CCDC69: variants seen among roughly 807,000 people sequenced by gnomAD.
CCDC69 encodes coiled-coil domain containing 69.
A neutral mutation model predicts 40.3 loss-of-function variants in CCDC69; 38 were observed. The ratio of observed to expected loss-of-function variants is 0.94; its 90% CI spans 0.73 to 1.24. The LOEUF (loss-of-function observed/expected upper bound fraction) is 1.24, where lower values mean the gene tolerates loss of function less well. CCDC69 is among the 50% of genes most tolerant of loss of function. CCDC69 has a pLI of 0.00. For missense variants in CCDC69, 389 were observed against 357.9 expected (o/e 1.09, Z -0.70); for synonymous variants, 141 against 138.9 (o/e 1.02, Z -0.11).
At chr5:151,223,056 G>C (rs949407795) in intron 1 of CCDC69, among the ~76,000 whole-genome samples, 14 of 152,234 alleles carry the variant, frequency 9.2e-5, no homozygotes, top group African/African-American at 3.4e-4. Flanking sequence ...GGGGCAGGTA[G>C]TGGTAAGAAA....
intron 1 of CCDC69, among the ~76,000 whole-genome samples, chr5:151,216,986 C>T (rs1753053594): frequency 6.6e-6 from 1 of 152,088 alleles, no homozygotes; most frequent in African/African-American, 2.4e-5. Context: ...TACAAACATA[C>T]AGCCAGATGG....
chr5:151,198,290 TGATCTATC>T lies in CCDC69; in HGVS notation c.319+699_319+706del, dbSNP rs1419467968. Among the ~76,000 whole-genome samples, 402 of 132,508 alleles carry T rather than the reference TGATCTATC, an allele frequency of 3.0e-3. 2 individuals carry two copies. Among genetic ancestry groups the T allele is most frequent in the South Asian group, 4.9e-3 (20 of 4,114 alleles). The allele number at this position is 132,508 out of a possible 152,430, so 86.9% of individuals were successfully genotyped here. On this transcript the variant is annotated intron_variant, in intron 4 of 8. Transcript: ENST00000355417. ...GGACTGGAGCTCTAGAGAATGAGATTGATCTATCTATCTATCTATCTATCTATCTATCT... is the reference window on the plus strand; with the variant it reads ...GGACTGGAGCTCTAGAGAATGAGATTTATCTATCTATCTATCTATCTATCT...
At chr5:151,190,731 C>A (rs1444184466) in intron 4 of CCDC69, among the ~76,000 whole-genome samples, 1 of 137,170 alleles carries the variant, frequency 7.3e-6, no homozygotes, top group African/African-American at 2.7e-5. Flanking sequence ...CTTAGAGTAA[C>A]CATTAAAAAA....
intron 1 of CCDC69, among the ~76,000 whole-genome samples, chr5:151,210,054 A>G (rs1019253258): frequency 3.3e-5 from 5 of 152,232 alleles, no homozygotes. Flanking sequence ...TACATATGCA[A>G]TGATATTACA....
Position 151,219,837 on chromosome 5 carries a change from T to C in CCDC69, c.48+4086A>G, listed in dbSNP as rs146848334. 5.1e-3 allele frequency among the ~76,000 whole-genome samples: 783 copies of C among 152,282 alleles called. 4 individuals carry two copies. The highest frequency in any genetic ancestry group is 0.014 in the Middle Eastern group (4 of 294). On this transcript the variant is annotated intron_variant, in intron 1 of 8. Coordinates refer to ENST00000355417, the MANE Select transcript of CCDC69 (RefSeq NM_015621.3). ...TGGAATCGTAAATATTTGCTAGTCGTAGGTTTGCATCCCCTCTAATATTCT... is the reference window on the plus strand; with the variant it reads ...TGGAATCGTAAATATTTGCTAGTCGCAGGTTTGCATCCCCTCTAATATTCT...
At chr5:151,213,308 G>A (rs188650459) in intron 1 of CCDC69, among the ~76,000 whole-genome samples, 142 of 152,170 alleles carry the variant, frequency 9.3e-4, no homozygotes, top group Non-Finnish European at 1.5e-3. Flanking sequence ...GTGCAGTGGC[G>A]TGATCTCGGC....
intron 4 of CCDC69, among the ~76,000 whole-genome samples, chr5:151,188,464 G>T (rs1369522020): frequency 6.6e-6 from 1 of 152,056 alleles, no homozygotes; most frequent in Non-Finnish European, 1.5e-5. Flanking sequence ...AATTAGCTTG[G>T]CATGGTGGTG....
intron 1 of CCDC69, among the ~76,000 whole-genome samples, chr5:151,220,996 G>A (rs960263557): frequency 1.5e-4 from 23 of 152,222 alleles, no homozygotes; most frequent in African/African-American, 4.1e-4. Context: ...AAGGGTTTAG[G>A]CAGGACCACA....
chr5:151,205,007 A>ATCCCTCCCTCCCTCCCTCCC (rs576832999), intron 2 of CCDC69, among the ~76,000 whole-genome samples: 2 of 139,080 alleles, frequency 1.4e-5, no homozygotes, highest in Non-Finnish European at 3.1e-5. Flanking sequence ...TCTTGCTCCC[A>ATCCCTCCCTCCCTCCCTCCC]TCCCTCCCTC....
At chr5:151,183,657 C>A (rs1315345900) in intron 8 of CCDC69, 43 bp from the exon 9 acceptor site, 12 of 1,549,724 alleles carry the variant, frequency 7.7e-6, no homozygotes, top group Non-Finnish European at 8.7e-6. Context: ...CTGGGAGCAG[C>A]TGCCACAGAG....
chr5:151,185,486 AC>A lies in CCDC69; in HGVS notation c.550del (p.Val184SerfsTer4). 1.9e-6 allele frequency: 3 copies of A among 1,614,056 alleles called. No individual in the cohort carries two copies. Among genetic ancestry groups the A allele is most frequent in the Non-Finnish European group, 2.5e-6 (3 of 1,179,934 alleles). On this transcript the variant is annotated frameshift_variant, in exon 7 of 9. Transcript: ENST00000355417. LOFTEE classifies it high-confidence loss of function. ...AATACGCTCATTCTTCATCTCGATG[AC>A]AAAGTGTAAGCTCTCCAGCTCCTGC... is the stretch of plus-strand genomic sequence containing the variant. The part of the protein sequence containing the change: ...WEQELESLHF[V>X]IEMKNERIHE...
intron 4 of CCDC69, among the ~76,000 whole-genome samples, chr5:151,193,823 G>A (rs1025376782): frequency 6.6e-6 from 1 of 152,240 alleles, no homozygotes; most frequent in South Asian, 2.1e-4. Context: ...CACTGGCTAG[G>A]AGAAAATATG....
chr5:151,200,335 C>T (rs1302882374), intron 3 of CCDC69, among the ~76,000 whole-genome samples: 1 of 151,990 alleles, frequency 6.6e-6, no homozygotes, highest in East Asian at 1.9e-4. Context: ...ACGGTGGTCT[C>T]GCCATGTTGC....
rs57392803 is a variant in CCDC69, at chr5:151,184,645, T to TA, written c.616-205dup. ...GCGGCTTTTTGCCACAGGAGAATGGTAAAAAAAAATTACAGGCCCTACCAT... is the reference window on the plus strand; with the variant it reads ...GCGGCTTTTTGCCACAGGAGAATGGTAAAAAAAAAATTACAGGCCCTACCAT... On this transcript the variant is annotated intron_variant, in intron 7 of 8. Coordinates refer to ENST00000355417, the MANE Select transcript of CCDC69 (RefSeq NM_015621.3). 8.3e-3 allele frequency: 4,051 copies of TA among 488,796 alleles called. 88 individuals carry two copies. Among genetic ancestry groups the TA allele is most frequent in the African/African-American group, 0.054 (2,784 of 51,840 alleles). 30.3% of individuals were successfully genotyped at this position (488,796 alleles called of 1,614,324 possible).
At chr5:151,189,158 G>A (rs1752568609) in intron 4 of CCDC69, among the ~76,000 whole-genome samples, 1 of 152,164 alleles carries the variant, frequency 6.6e-6, no homozygotes, top group South Asian at 2.1e-4. Flanking sequence ...GGTAATCAAT[G>A]TAAAAAGACT....
intron 1 of CCDC69, among the ~76,000 whole-genome samples, chr5:151,207,866 G>C (rs1379070750): frequency 6.6e-6 from 1 of 151,986 alleles, no homozygotes; most frequent in African/African-American, 2.4e-5. Context: ...AGAAGAGAAA[G>C]AAAGAGAGAA....
At chr5:151,219,994 G>A (rs1486183348) in intron 1 of CCDC69, among the ~76,000 whole-genome samples, 1 of 151,920 alleles carries the variant, frequency 6.6e-6, no homozygotes, top group Non-Finnish European at 1.5e-5. Flanking sequence ...ACTGGCCACT[G>A]TGCTGCCTTC....
intron 1 of CCDC69, among the ~76,000 whole-genome samples, chr5:151,220,450 C>T (rs1234184266): frequency 2.0e-5 from 3 of 152,196 alleles, no homozygotes; most frequent in African/African-American, 7.2e-5. Flanking sequence ...CCGGTGTGGT[C>T]GACCCACAAA....
intron 2 of CCDC69, among the ~76,000 whole-genome samples, chr5:151,203,637 ATATGCAGCTTCTGCATATTTAG>A (rs1396929302): frequency 7.0e-6 from 1 of 142,146 alleles, no homozygotes; most frequent in East Asian, 2.0e-4. Context: ...TATGTACTAA[ATATGCAGCTTCTGCATATTTAG>A]TATATATAAA....
Sources: allele counts gnomAD v4.1 joint callset (sites outside exome capture counted in the v4.1 genomes callset), GRCh38; gene constraint gnomAD v4.1.1; transcripts MANE v1.5; gene names NCBI Gene and HGNC (gene_info 2026-07-23, HGNC 2026-07-21).